PAAF1: variants seen among roughly 807,000 people sequenced by gnomAD.
PAAF1 encodes proteasomal ATPase associated factor 1.
In PAAF1, 46 loss-of-function variants were observed where a neutral mutation model predicts 52.8. The observed-to-expected ratio is 0.87, with a 90% CI of 0.69 to 1.11. The LOEUF (loss-of-function observed/expected upper bound fraction) is 1.11, where lower values mean the gene tolerates loss of function less well. Among genes scored for constraint, PAAF1 ranks in the 50% most tolerant of loss-of-function variants. PAAF1 has a pLI of 0.00. For synonymous variants in PAAF1, 178 were observed against 172.8 expected, an observed-to-expected ratio of 1.03 and a Z score of -0.24; for missense variants, 424 against 477.4, an observed-to-expected ratio of 0.89 and a Z score of 1.04.
At chr11:73,927,245 A>C in intron 11 of PAAF1, 40 bp from the exon 12 acceptor site, 1 of 1,503,450 alleles carries the variant, frequency 6.7e-7, no homozygotes, top group Admixed American at 1.7e-5. Context: ...AAATGGAAGA[A>C]TCCCAGGCTT....
intron 6 of PAAF1, among the ~76,000 whole-genome samples, chr11:73,908,285 G>A (rs950660918): frequency 6.9e-6 from 1 of 145,886 alleles, no homozygotes; most frequent in East Asian, 2.0e-4. Context: ...GTGTATATAT[G>A]TATATATATG....
intron 5 of PAAF1, among the ~76,000 whole-genome samples, chr11:73,899,493 C>T (rs1949534027): frequency 6.8e-6 from 1 of 146,866 alleles, no homozygotes; most frequent in Non-Finnish European, 1.5e-5. Flanking sequence ...CTCACTGCAA[C>T]CTCCGCCTCC....
At chr11:73,890,114 G>A (rs1670561) in intron 3 of PAAF1, among the ~76,000 whole-genome samples, 12,059 of 152,234 alleles carry the variant, frequency 0.079, 660 homozygotes, top group African/African-American at 0.16. Flanking sequence ...TACTGCAGAA[G>A]AGATAAAAGG....
chr11:73,908,332 T>C (rs1163731319), intron 6 of PAAF1, among the ~76,000 whole-genome samples: 2 of 112,296 alleles, frequency 1.8e-5, no homozygotes, highest in Non-Finnish European at 4.0e-5. Context: ...TATATGTATA[T>C]ATATGTGTAT....
intron 9 of PAAF1, 51 bp downstream of exon 9, chr11:73,916,711 T>G: frequency 3.1e-6 from 4 of 1,281,376 alleles, no homozygotes; most frequent in Non-Finnish European, 4.5e-6. Flanking sequence ...AGTGGAAATT[T>G]TTATTGGCTT....
intron 2 of PAAF1, among the ~76,000 whole-genome samples, chr11:73,881,042 A>G (rs1366635982): frequency 6.6e-6 from 1 of 152,162 alleles, no homozygotes. Flanking sequence ...CAAAAGACCT[A>G]CATTTTATTT....
At chr11:73,907,528 C>T (rs1949796005) in intron 6 of PAAF1, among the ~76,000 whole-genome samples, 1 of 152,190 alleles carries the variant, frequency 6.6e-6, no homozygotes, top group African/African-American at 2.4e-5. Flanking sequence ...TCCCTGCTGA[C>T]TGACACCTGG....
At chr11:73,906,246 C>G (rs184870247) in intron 6 of PAAF1, among the ~76,000 whole-genome samples, 1 of 151,674 alleles carries the variant, frequency 6.6e-6, no homozygotes, top group Non-Finnish European at 1.5e-5. Context: ...AATTGAATTT[C>G]GTTTAGTTTT....
chr11:73,910,998 A>G (rs1263681343), intron 7 of PAAF1, among the ~76,000 whole-genome samples: 2 of 151,450 alleles, frequency 1.3e-5, no homozygotes, highest in African/African-American at 4.8e-5. Context: ...TCAAAAAAAA[A>G]AAAAAAAAAA....
chr11:73,897,227 G>A (rs1260322362), intron 4 of PAAF1, among the ~76,000 whole-genome samples: 4 of 101,230 alleles, frequency 4.0e-5, no homozygotes, highest in South Asian at 3.4e-4. Context: ...CTGGCCGGGC[G>A]GGGGGCTGAC....
intron 2 of PAAF1, among the ~76,000 whole-genome samples, chr11:73,884,946 G>A (rs1384355330): frequency 6.7e-6 from 1 of 148,492 alleles, no homozygotes; most frequent in African/African-American, 2.5e-5. Context: ...TGCAAGTTCC[G>A]CCTCCCGGGT....
At chr11:73,888,128 A>T (rs1159143527) in intron 3 of PAAF1, among the ~76,000 whole-genome samples, 1 of 152,238 alleles carries the variant, frequency 6.6e-6, no homozygotes, top group Non-Finnish European at 1.5e-5. Flanking sequence ...ACTAAAAATT[A>T]TTAGAGATAT....
intron 2 of PAAF1, chr11:73,886,998 A>G (rs1949079463): frequency 4.4e-6 from 2 of 450,450 alleles, no homozygotes; most frequent in East Asian, 7.0e-5. Flanking sequence ...TGATCTCTGC[A>G]TACACTGGCT....
intron 7 of PAAF1, among the ~76,000 whole-genome samples, chr11:73,912,817 C>T (rs1428761071): frequency 1.3e-5 from 2 of 152,210 alleles, no homozygotes; most frequent in South Asian, 2.1e-4. Flanking sequence ...CACTACATTT[C>T]AGCCACAGGC....
chr11:73,891,213 G>C lies in PAAF1; in HGVS notation c.282+12G>C, dbSNP rs767733173. 2 of 1,460,712 alleles carry C rather than the reference G, an allele frequency of 1.4e-6. No homozygotes were observed. The highest frequency in any genetic ancestry group is 4.6e-5 in the East Asian group (2 of 43,930). 90.5% of individuals were successfully genotyped at this position (1,460,712 alleles called of 1,614,324 possible). A position where few individuals can be genotyped will look rare whatever the true frequency, so the allele number is the denominator to read the frequency against. On this transcript the variant is annotated intron_variant, in intron 4 of 11. Transcript: ENST00000310571. ...TTCATACAAAGAGTGTAAGTATTTT[G>C]ATAAAATGAAGAGAAAATGTAATAG...
At chr11:73,895,587 A>G (rs1025811053) in intron 4 of PAAF1, among the ~76,000 whole-genome samples, 1 of 152,252 alleles carries the variant, frequency 6.6e-6, no homozygotes, top group African/African-American at 2.4e-5. Flanking sequence ...GAACAAAGTA[A>G]AATGGAAAGT....
At chr11:73,892,018 C>T (rs1949215092) in intron 4 of PAAF1, among the ~76,000 whole-genome samples, 1 of 152,010 alleles carries the variant, frequency 6.6e-6, no homozygotes, top group African/African-American at 2.4e-5. Context: ...CTGTGTGGTA[C>T]GTTTTTTAAA....
intron 8 of PAAF1, among the ~76,000 whole-genome samples, chr11:73,915,899 T>G (rs559712853): frequency 3.3e-5 from 5 of 152,360 alleles, no homozygotes; most frequent in South Asian, 4.1e-4. Context: ...CATTACCATT[T>G]TTGCTAATAT....
chr11:73,912,715 C>T (rs976173231), intron 7 of PAAF1, among the ~76,000 whole-genome samples: 1 of 152,132 alleles, frequency 6.6e-6, no homozygotes, highest in Non-Finnish European at 1.5e-5. Flanking sequence ...TGTTGAAATC[C>T]TAACCCCTTA....
Sources: allele counts gnomAD v4.1 joint callset (sites outside exome capture counted in the v4.1 genomes callset), GRCh38; gene constraint gnomAD v4.1.1; transcripts MANE v1.5; gene names NCBI Gene and HGNC (gene_info 2026-07-23, HGNC 2026-07-21).